Variants in SEPTIN9 observed in about 807,000 individuals in gnomAD.
SEPTIN9 encodes the protein septin 9.
A neutral mutation model predicts 56.6 loss-of-function variants in SEPTIN9; 13 were observed. That is an observed-to-expected ratio of 0.23 (90% CI 0.15 to 0.37). The LOEUF is 0.37. SEPTIN9 is among the 10% of genes least tolerant of loss of function. The probability of loss-of-function intolerance (pLI) is 1.00; values close to 1 mark genes in which losing one functional copy is unlikely to be tolerated. For synonymous variants in SEPTIN9, 332 were observed against 334.1 expected (o/e 0.99, Z 0.07); for missense variants, 650 against 823.1 (o/e 0.79, Z 2.57).
chr17:77,287,918 C>T, intron 1 of SEPTIN9: 5 of 1,042,010 alleles, frequency 4.8e-6, no homozygotes, highest in Non-Finnish European at 5.8e-6. Context: ...CCCAGGCTGC[C>T]TGCTGTCTCT....
chr17:77,390,848 G>A (rs902617342), intron 2 of SEPTIN9, among the ~76,000 whole-genome samples: 18 of 152,276 alleles, frequency 1.2e-4, no homozygotes, highest in African/African-American at 4.1e-4. Context: ...CAGGTAGGGC[G>A]ACCGTATAAC....
rs111774579 is a variant in SEPTIN9 at position 77,414,017 on chromosome 17, A to AT, written c.721+11323dup. ...TTGGAGAGAGGGAAGGCTTTTTTTC[A>AT]TTTTTTTTTAAACAGCTTTATTGAG... On this transcript the variant is annotated intron_variant, in intron 3 of 11. Coordinates refer to ENST00000427177, the MANE Select transcript of SEPTIN9 (RefSeq NM_001113491.2). 3.3e-3 allele frequency among the ~76,000 whole-genome samples: 268 copies of AT among 80,056 alleles called. 4 individuals carry two copies. Among genetic ancestry groups the AT allele is most frequent in the Non-Finnish European group, 2.9e-3 (102 of 34,886 alleles). 52.5% of individuals were successfully genotyped at this position (80,056 alleles called of 152,430 possible). A position where few individuals can be genotyped will look rare whatever the true frequency, so the allele number is the denominator to read the frequency against.
chr17:77,349,429 T>TG (rs1264537260), intron 2 of SEPTIN9, among the ~76,000 whole-genome samples: 2 of 152,328 alleles, frequency 1.3e-5, no homozygotes, highest in African/African-American at 4.8e-5. Context: ...CTGTCATTCT[T>TG]GAACCATAAT....
At chr17:77,301,493 C>T (rs916508824) in intron 1 of SEPTIN9, among the ~76,000 whole-genome samples, 4 of 152,090 alleles carry the variant, frequency 2.6e-5, no homozygotes, top group East Asian at 3.9e-4. Context: ...GGCACGATCT[C>T]GGCTCACTGC....
At chr17:77,283,299 T>TA (rs2031123469) in intron 1 of SEPTIN9, among the ~76,000 whole-genome samples, 1 of 151,892 alleles carries the variant, frequency 6.6e-6, no homozygotes, top group South Asian at 2.1e-4. Flanking sequence ...CAGGCCCCTC[T>TA]GAGGATGGGG....
intron 2 of SEPTIN9, among the ~76,000 whole-genome samples, chr17:77,368,335 G>A (rs528164399): frequency 1.3e-5 from 2 of 148,342 alleles, no homozygotes; most frequent in African/African-American, 2.5e-5. Context: ...TTTTTGAGAC[G>A]GAGTCTCGCT....
intron 3 of SEPTIN9, among the ~76,000 whole-genome samples, chr17:77,422,188 C>T (rs530934814): frequency 6.6e-6 from 1 of 152,318 alleles, no homozygotes; most frequent in East Asian, 1.9e-4. Context: ...CCTGGCCCTT[C>T]CCAGGTGCAG....
rs1487008919 is a variant in SEPTIN9, at chr17:77,319,812, G to C, written c.76+12615G>C. The C allele has an allele frequency of 2.7e-5, 29 of 1,076,560 alleles. No individual in the cohort carries two copies. Among genetic ancestry groups the C allele is most frequent in the Non-Finnish European group, 3.2e-5 (28 of 885,494 alleles). The allele number at this position is 1,076,560 out of a possible 1,614,324, so 66.7% of individuals were successfully genotyped here. A position where few individuals can be genotyped will look rare whatever the true frequency, so the allele number is the denominator to read the frequency against. ...GTCAGGAATTTGACTCTGTGAGTTG[G>C]TTTCCAAGAGTCTAAGTTAAGCATC... On this transcript the variant is annotated intron_variant, in intron 2 of 11. Coordinates refer to ENST00000427177, the MANE Select transcript of SEPTIN9 (RefSeq NM_001113491.2). This position sits in a 1 kb window ranked among gnomAD's most constrained non-coding sequence, Gnocchi z 5.3.
chr17:77,358,244 G>A (rs1308377529), intron 2 of SEPTIN9, among the ~76,000 whole-genome samples: 2 of 152,260 alleles, frequency 1.3e-5, no homozygotes, highest in East Asian at 3.9e-4. Context: ...AGCCTACTCT[G>A]GGCACGTGTT....
chr17:77,496,334 C>G (rs2040255825), intron 10 of SEPTIN9: 1 of 152,122 alleles, frequency 6.6e-6, no homozygotes, highest in South Asian at 2.1e-4. Flanking sequence ...GCGTCTACGC[C>G]CCATTTTCGT....
chr17:77,434,559 G>T lies in SEPTIN9; in HGVS notation c.721+31856G>T, dbSNP rs2037270030. ...GGCAGAGTCCCATTGGCCTGCAGGG[G>T]ACCCTCTGTGGGCTGCAGGTAGTCC... is the stretch of plus-strand genomic sequence containing the variant. On this transcript the variant is annotated intron_variant, in intron 3 of 11. Coordinates refer to ENST00000427177, the MANE Select transcript of SEPTIN9 (RefSeq NM_001113491.2). This position sits in a 1 kb window ranked among gnomAD's most constrained non-coding sequence, Gnocchi z 5.0. Among the ~76,000 whole-genome samples the T allele has an allele frequency of 6.6e-6, 1 of 152,182 alleles. No homozygotes were observed. The highest frequency in any genetic ancestry group is 2.4e-5 in the African/African-American group (1 of 41,438).
rs2037771718 is a variant in SEPTIN9, at chr17:77,447,134, C to T, written c.722-35010C>T. ...AAATTCATTTTTAATAAGTGCAATTCTGTGTGACTTTAAAATAAATAAACA... is the reference window on the plus strand; with the variant it reads ...AAATTCATTTTTAATAAGTGCAATTTTGTGTGACTTTAAAATAAATAAACA... On this transcript the variant is annotated intron_variant, in intron 3 of 11. Transcript: ENST00000427177. 1.8e-5 allele frequency: 3 copies of T among 167,100 alleles called. No individual in the cohort carries two copies. The Admixed American group carries it at 2.0e-4, about 11-fold the overall frequency. 10.4% of individuals were successfully genotyped at this position (167,100 alleles called of 1,614,324 possible). A position where few individuals can be genotyped will look rare whatever the true frequency, so the allele number is the denominator to read the frequency against.
chr17:77,439,778 C>T (rs1012124765), intron 3 of SEPTIN9, among the ~76,000 whole-genome samples: 6 of 152,222 alleles, frequency 3.9e-5, no homozygotes, highest in South Asian at 2.1e-4. Context: ...CTGAGAGCCC[C>T]GCCCTGGGCC....
At chr17:77,454,576 T>G (rs1439173806) in intron 3 of SEPTIN9, 1 of 160,986 alleles carries the variant, frequency 6.2e-6, no homozygotes, top group Non-Finnish European at 1.3e-5. Context: ...CACCTGGGCC[T>G]GTGCCTGCCC....
chr17:77,351,085 G>A (rs2034047456), intron 2 of SEPTIN9, among the ~76,000 whole-genome samples: 1 of 151,698 alleles, frequency 6.6e-6, no homozygotes, highest in African/African-American at 2.4e-5. Context: ...TGTGTGCTGT[G>A]TATGCACTTG....
chr17:77,485,924 C>T (rs1677184066), intron 4 of SEPTIN9, among the ~76,000 whole-genome samples: 1 of 151,982 alleles, frequency 6.6e-6, no homozygotes, highest in African/African-American at 2.4e-5. Context: ...CTGCAGCCTC[C>T]ACATCCTGGG....
chr17:77,355,969 G>A (rs1385217931), intron 2 of SEPTIN9, among the ~76,000 whole-genome samples: 10 of 85,952 alleles, frequency 1.2e-4, no homozygotes, highest in Admixed American at 2.7e-4. Flanking sequence ...GCGACAGAGC[G>A]AGACTCCGTC....
At position 77,402,483 on chromosome 17, in the gene SEPTIN9, C is replaced by T. The variant is rs907266456; in HGVS notation, c.501C>T (p.Pro167=). Residue 167 remains proline, a synonymous_variant, in exon 3 of 12, where the codon CCC becomes CCT. Transcript: ENST00000427177. This position sits in a 1 kb window ranked among gnomAD's most constrained non-coding sequence, Gnocchi z 6.6. ...PQESAHRRME[P]PASKVPEVPT... Reference sequence around the variant, plus strand: ...AGTCAGCCCACCGGAGGATGGAGCCCCCTGCCTCCAAGGTCCCCGAGGTGC... The same window carrying T: ...AGTCAGCCCACCGGAGGATGGAGCCTCCTGCCTCCAAGGTCCCCGAGGTGC... 1.2e-6 allele frequency: 2 copies of T among 1,606,834 alleles called. No individual in the cohort carries two copies. The highest frequency in any genetic ancestry group is 1.3e-5 in the African/African-American group (1 of 74,746).
intron 2 of SEPTIN9, among the ~76,000 whole-genome samples, chr17:77,399,846 G>A (rs1005896707): frequency 2.6e-5 from 4 of 152,172 alleles, no homozygotes; most frequent in Admixed American, 6.5e-5. Flanking sequence ...CCCACACCTG[G>A]CACACCCCTG....
Sources: gnomAD v4.1 joint callset for allele counts (sites outside exome capture counted in the v4.1 genomes callset) on GRCh38, gnomAD v4.1.1 for gene constraint, Gnocchi (gnomAD v3.1) non-coding constraint, MANE v1.5 for transcripts, NCBI Gene and HGNC (gene_info 2026-07-23, HGNC 2026-07-21) for gene names.